Variants in MFF observed in about 807,000 individuals in gnomAD.
The protein encoded by MFF is mitochondrial fission factor, also known as chromosome 2 open reading frame 33.
In MFF, 12 loss-of-function variants were observed where a neutral mutation model predicts 36.9. The ratio of observed to expected loss-of-function variants is 0.33; its 90% CI spans 0.21 to 0.53. MFF has a LOEUF of 0.53. MFF is among the 20% of genes least tolerant of loss of function. The pLI is 0.95. For synonymous variants in MFF, 99 were observed against 126.2 expected, an observed-to-expected ratio of 0.78 and a Z score of 1.44; for missense variants, 348 against 366.6, an observed-to-expected ratio of 0.95 and a Z score of 0.42.
At chr2:227,334,888 G>A (rs2074869707) in intron 4 of MFF, among the ~76,000 whole-genome samples, 1 of 152,150 alleles carries the variant, frequency 6.6e-6, no homozygotes, top group Admixed American at 6.5e-5. Context: ...TGAGGTACTG[G>A]CTGGGTGCGG....
chr2:227,326,784 GT>G (rs976051571), intron 1 of MFF, among the ~76,000 whole-genome samples: 18 of 151,986 alleles, frequency 1.2e-4, no homozygotes, highest in Middle Eastern at 3.4e-3. Context: ...CAACTGGAGG[GT>G]TTTTTTTGGT....
chr2:227,343,049 G>A (rs563432794), intron 5 of MFF, among the ~76,000 whole-genome samples: 1 of 152,100 alleles, frequency 6.6e-6, no homozygotes, highest in African/African-American at 2.4e-5. Flanking sequence ...GCATGTGTTG[G>A]TGAAAGGAAC....
chr2:227,347,665 C>T (rs766626203), intron 6 of MFF, among the ~76,000 whole-genome samples: 5 of 152,158 alleles, frequency 3.3e-5, no homozygotes, highest in Non-Finnish European at 5.9e-5. Context: ...TACTTGATTC[C>T]ACTTAGGGAT....
chr2:227,328,387 T>C (rs918790975), intron 1 of MFF, among the ~76,000 whole-genome samples: 1 of 151,934 alleles, frequency 6.6e-6, no homozygotes, highest in Non-Finnish European at 1.5e-5. Flanking sequence ...AAGTATTAGA[T>C]TCATTTAAAC....
chr2:227,345,872 A>G (rs2075683550), intron 5 of MFF, among the ~76,000 whole-genome samples: 1 of 152,142 alleles, frequency 6.6e-6, no homozygotes, highest in South Asian at 2.1e-4. Context: ...TTGACACCAA[A>G]TTTGACCTAA....
chr2:227,332,605 T>TA lies in MFF; in HGVS notation c.351+18dup. ...AATGAAGAAGTAAGTAGAACTTTAG[T>TA]ATCACCGGAATTTGAAATAATGTAG... On this transcript the variant is annotated intron_variant, in intron 4 of 8. Transcript: ENST00000304593. 6.4e-7 allele frequency: 1 copy of TA among 1,557,956 alleles called. No homozygotes were observed. The highest frequency in any genetic ancestry group is 8.7e-7 in the Non-Finnish European group (1 of 1,148,288).
intron 6 of MFF, chr2:227,351,557 A>G (rs544811258): frequency 1.4e-4 from 21 of 152,322 alleles, no homozygotes; most frequent in African/African-American, 4.8e-4. Flanking sequence ...CCAAAATAGG[A>G]TTTAATAATT....
intron 7 of MFF, among the ~76,000 whole-genome samples, chr2:227,353,424 A>T (rs1400080078): frequency 6.6e-6 from 1 of 152,232 alleles, no homozygotes; most frequent in East Asian, 1.9e-4. Flanking sequence ...TTGAAGCAAG[A>T]GAAAAGGGAA....
In MFF at chr2:227,334,870, T is replaced by TA. The variant is rs201089221; in HGVS notation, c.351+2289dup. On this transcript the variant is annotated intron_variant, in intron 4 of 8. Coordinates refer to ENST00000304593, the MANE Select transcript of MFF (RefSeq NM_001277062.2). ...CCATATAGTAACTCTTATTCAGCCA[T>TA]AAAAAAATGAGGTACTGGCTGGGTG... Among the ~76,000 whole-genome samples, 1,513 of 152,030 alleles carry TA rather than the reference T, an allele frequency of 1.0e-2. 9 individuals are homozygous for TA. The highest frequency in any genetic ancestry group is 0.017 in the Middle Eastern group (5 of 294).
chr2:227,345,910 T>C (rs1376760882), intron 5 of MFF, among the ~76,000 whole-genome samples: 4 of 152,174 alleles, frequency 2.6e-5, no homozygotes, highest in Non-Finnish European at 5.9e-5. Flanking sequence ...GCTTGATAGA[T>C]AGTTGCTTTA....
At chr2:227,331,842 TGTA>T (rs1337712617) in intron 3 of MFF, among the ~76,000 whole-genome samples, 4 of 152,176 alleles carry the variant, frequency 2.6e-5, no homozygotes, top group Admixed American at 6.5e-5. Context: ...AATTGGCTGT[TGTA>T]AGAGTTTTAA....
At chr2:227,351,770 G>A (rs1489474864) in intron 6 of MFF, 1 of 152,230 alleles carries the variant, frequency 6.6e-6, no homozygotes, top group Non-Finnish European at 1.5e-5. Flanking sequence ...TACTGAGAAT[G>A]AGTGGAAATC....
intron 4 of MFF, among the ~76,000 whole-genome samples, chr2:227,339,912 G>A (rs994162063): frequency 2.0e-5 from 3 of 152,104 alleles, no homozygotes; most frequent in Admixed American, 1.3e-4. Flanking sequence ...TAATACAGAT[G>A]CTCTCCATTT....
intron 4 of MFF, among the ~76,000 whole-genome samples, chr2:227,334,057 A>G (rs6754433): frequency 0.32 from 48,863 of 152,042 alleles, 8,124 homozygotes; most frequent in Admixed American, 0.43. Flanking sequence ...TTTGTGTGAG[A>G]ATTAGAACTA....
chr2:227,352,106 T>C (rs1262957617), intron 6 of MFF: 12 of 163,332 alleles, frequency 7.3e-5, no homozygotes, highest in Admixed American at 3.1e-4. Flanking sequence ...GCAACTGTGG[T>C]CATACCGGTG....
intron 7 of MFF, among the ~76,000 whole-genome samples, chr2:227,354,333 A>G (rs953879523): frequency 1.3e-5 from 2 of 152,166 alleles, no homozygotes; most frequent in African/African-American, 4.8e-5. Context: ...TTTTGTGGGT[A>G]TGTACTTTTT....
rs75408466 is a variant in MFF at position 227,336,029 on chromosome 2, A to G, written c.351+3441A>G. Among the ~76,000 whole-genome samples, 1,142 of 152,328 alleles carry G rather than the reference A, an allele frequency of 7.5e-3. 16 individuals carry two copies. The highest frequency in any genetic ancestry group is 0.026 in the African/African-American group (1,085 of 41,568). On this transcript the variant is annotated intron_variant, in intron 4 of 8. Transcript: ENST00000304593. ...TAGACTAGGCAGTGTGAATGAGGAGAAAGAAGCTGTAACACTGACATTACC... is the reference window on the plus strand; with the variant it reads ...TAGACTAGGCAGTGTGAATGAGGAGGAAGAAGCTGTAACACTGACATTACC...
intron 7 of MFF, among the ~76,000 whole-genome samples, chr2:227,355,032 G>A: frequency 6.6e-6 from 1 of 152,116 alleles, no homozygotes; most frequent in Admixed American, 6.5e-5. Flanking sequence ...ATGGTGGCAG[G>A]TGCCTGTAAT....
At chr2:227,345,060 C>T (rs1179896409) in intron 5 of MFF, among the ~76,000 whole-genome samples, 1 of 152,106 alleles carries the variant, frequency 6.6e-6, no homozygotes, top group Non-Finnish European at 1.5e-5. Context: ...GTTTTAGAAT[C>T]CAACCTTCTG....
Sources: gnomAD v4.1 joint callset for allele counts (sites outside exome capture counted in the v4.1 genomes callset) on GRCh38, gnomAD v4.1.1 for gene constraint, MANE v1.5 for transcripts, NCBI Gene and HGNC (gene_info 2026-07-23, HGNC 2026-07-21) for gene names.